Variants in TCF4 observed in about 807,000 individuals in gnomAD.
The protein encoded by TCF4 is transcription factor 4, also known as SL3-3 enhancer factor 2.
A neutral mutation model predicts 82.1 loss-of-function variants in TCF4; 3 were observed. The ratio of observed to expected loss-of-function variants is 0.04; its 90% CI spans 0.02 to 0.09. The LOEUF is 0.09. Among genes scored for constraint, TCF4 ranks in the 10% least tolerant of loss-of-function variants. The probability of loss-of-function intolerance (pLI) is 1.00; values close to 1 mark genes in which losing one functional copy is unlikely to be tolerated. For synonymous variants in TCF4, 276 were observed against 309.6 expected (o/e 0.89, Z 1.14); for missense variants, 518 against 852.7 (o/e 0.61, Z 4.89).
In TCF4 at chr18:55,601,140, AG is replaced by A. The variant is rs759079226; in HGVS notation, c.287-14005del. On this transcript the variant is annotated intron_variant, in intron 2 of 20. Transcript: ENST00000398339. The stretch of plus-strand genomic sequence containing the variant: ...CCACGTTACACACTCAAAAGAAATA[AG>A]TGCTGTATCCACAAAAATACATATA... Among the ~76,000 whole-genome samples the A allele has an allele frequency of 6.8e-4, 103 of 152,240 alleles. 1 individual carries two copies. Among genetic ancestry groups the A allele is most frequent in the Non-Finnish European group, 6.6e-4 (45 of 68,040 alleles).
chr18:55,250,444 T>C (rs1180579272), intron 15 of TCF4, among the ~76,000 whole-genome samples: 1 of 152,236 alleles, frequency 6.6e-6, no homozygotes, highest in Admixed American at 6.5e-5. Context: ...AAATAAGTTC[T>C]GAAAAGGTGT....
At chr18:55,491,023 G>C (rs1382170909) in intron 3 of TCF4, among the ~76,000 whole-genome samples, 1 of 151,776 alleles carries the variant, frequency 6.6e-6, no homozygotes, top group Non-Finnish European at 1.5e-5. Flanking sequence ...GATTATGGGG[G>C]AAAAAAAATC....
chr18:55,585,272 T>C lies in TCF4; in HGVS notation c.145+8A>G. ...TTTAACTTAACACTAAGAAAAGAAT[T>C]TACATACTTGAGCCAGTAAAATGTC... On this transcript the variant is annotated splice_region_variant and intron_variant, in intron 3 of 19. Coordinates refer to ENST00000354452, the MANE Select transcript of TCF4 (RefSeq NM_001083962.2). 1 of 1,613,066 alleles carries C rather than the reference T, an allele frequency of 6.2e-7. No homozygotes were observed. The highest frequency in any genetic ancestry group is 8.5e-7 in the Non-Finnish European group (1 of 1,179,128).
At chr18:55,446,830 C>A (rs2095533527) in intron 5 of TCF4, among the ~76,000 whole-genome samples, 2 of 151,608 alleles carry the variant, frequency 1.3e-5, no homozygotes, top group South Asian at 2.1e-4. Flanking sequence ...TAAAAACACA[C>A]AAAAAATTAG....
At chr18:55,380,538 C>T (rs2091722926) in intron 6 of TCF4, among the ~76,000 whole-genome samples, 1 of 152,156 alleles carries the variant, frequency 6.6e-6, no homozygotes, top group African/African-American at 2.4e-5. Context: ...CTCCTAACAC[C>T]ATCCCACTGG....
chr18:55,415,259 A>T (rs2094485583), intron 5 of TCF4, among the ~76,000 whole-genome samples: 1 of 152,192 alleles, frequency 6.6e-6, no homozygotes, highest in South Asian at 2.1e-4. Flanking sequence ...ACACACCCAA[A>T]ACAAAACCTC....
intron 8 of TCF4, among the ~76,000 whole-genome samples, chr18:55,300,587 T>C (rs2067936522): frequency 6.7e-6 from 1 of 149,798 alleles, no homozygotes; most frequent in Admixed American, 6.6e-5. Flanking sequence ...ATCAAAACCA[T>C]ATGTCGGTTC....
At chr18:55,577,130 T>TTATATATACATTTATATATTTATATATG (rs1555777174) in intron 3 of TCF4, among the ~76,000 whole-genome samples, 1 of 123,674 alleles carries the variant, frequency 8.1e-6, no homozygotes, top group Non-Finnish European at 1.8e-5. Flanking sequence ...ATTTATATAT[T>TTATATATACATTTATATATTTATATATG]TATATATACA....
chr18:55,407,387 A>G (rs7228846), intron 5 of TCF4, among the ~76,000 whole-genome samples: 9,413 of 152,208 alleles, frequency 0.062, 507 homozygotes, highest in African/African-American at 0.14. Context: ...AAATGAGCAG[A>G]CACAACATCC....
At chr18:55,480,701 TG>T (rs2096407880) in intron 3 of TCF4, among the ~76,000 whole-genome samples, 1 of 152,242 alleles carries the variant, frequency 6.6e-6, no homozygotes, top group South Asian at 2.1e-4. Flanking sequence ...TTATTAATTC[TG>T]TGTCAACCCT....
chr18:55,629,635 A>G (rs1326432027), intron 2 of TCF4, among the ~76,000 whole-genome samples: 2 of 152,204 alleles, frequency 1.3e-5, no homozygotes, highest in East Asian at 3.8e-4. Flanking sequence ...GATGATTCTA[A>G]CAGTTGGACA....
intron 11 of TCF4, chr18:55,265,911 A>G (rs1263594575): frequency 1.3e-5 from 2 of 152,220 alleles, no homozygotes. Context: ...AAAAACGTGG[A>G]AAAGACCACG....
At chr18:55,443,407 T>A (rs1056888588) in intron 5 of TCF4, among the ~76,000 whole-genome samples, 2 of 152,192 alleles carry the variant, frequency 1.3e-5, no homozygotes, top group Non-Finnish European at 2.9e-5. Context: ...CAATCTATCA[T>A]TAGTGTTAAC....
At chr18:55,299,689 T>C (rs62092448) in intron 8 of TCF4, among the ~76,000 whole-genome samples, 2 of 152,114 alleles carry the variant, frequency 1.3e-5, no homozygotes, top group African/African-American at 2.4e-5. Context: ...AGAAAGATGT[T>C]ACTTTGAAAC....
chr18:55,623,207 T>A (rs1263525816), intron 2 of TCF4, among the ~76,000 whole-genome samples: 1 of 152,184 alleles, frequency 6.6e-6, no homozygotes, highest in Non-Finnish European at 1.5e-5. Context: ...GTGGTCACTA[T>A]GTCAAAATTT....
intron 6 of TCF4, among the ~76,000 whole-genome samples, chr18:55,395,459 T>C (rs1224806043): frequency 6.6e-6 from 1 of 152,216 alleles, no homozygotes; most frequent in Non-Finnish European, 1.5e-5. Context: ...GTCCATTTCT[T>C]CGGTGTCTCA....
chr18:55,503,358 TTCA>T (rs140707538), intron 3 of TCF4, among the ~76,000 whole-genome samples: 16 of 152,026 alleles, frequency 1.1e-4, no homozygotes, highest in East Asian at 5.8e-4. Context: ...CATCATCAAT[TTCA>T]TCATCATCAT....
intron 3 of TCF4, among the ~76,000 whole-genome samples, chr18:55,580,922 A>G (rs1208883237): frequency 6.6e-6 from 1 of 152,010 alleles, no homozygotes; most frequent in Non-Finnish European, 1.5e-5. Flanking sequence ...GCATCTCATT[A>G]GGTTCTTGTT....
At chr18:55,540,503 G>A (rs1449783819) in intron 3 of TCF4, among the ~76,000 whole-genome samples, 1 of 151,972 alleles carries the variant, frequency 6.6e-6, no homozygotes. Flanking sequence ...TTGGCATGTT[G>A]TATAATCTGA....
Sources: gnomAD v4.1 joint callset for allele counts (sites outside exome capture counted in the v4.1 genomes callset) on GRCh38, gnomAD v4.1.1 for gene constraint, MANE v1.5 for transcripts, NCBI Gene and HGNC (gene_info 2026-07-23, HGNC 2026-07-21) for gene names.